The following PPP1R12B variants were observed in gnomAD, a reference collection of about 807,000 sequenced individuals.
PPP1R12B encodes the protein protein phosphatase 1 regulatory subunit 12B, also known as myosin phosphatase target subunit 2.
A neutral mutation model predicts 126.1 loss-of-function variants in PPP1R12B; 76 were observed. The ratio of observed to expected loss-of-function variants is 0.60; its 90% CI spans 0.50 to 0.73. The LOEUF (loss-of-function observed/expected upper bound fraction) is 0.73, where lower values mean the gene tolerates loss of function less well. Ranked by LOEUF, PPP1R12B falls within the 30% of genes least tolerant of loss-of-function variation. The probability of loss-of-function intolerance (pLI) is 0.00; values close to 1 mark genes in which losing one functional copy is unlikely to be tolerated. For missense variants in PPP1R12B, 1,052 were observed against 1,205.1 expected (o/e 0.87, Z 1.88); for synonymous variants, 356 against 434.7 (o/e 0.82, Z 2.25).
At chr1:202,449,469 G>A (rs1672664422) in intron 13 of PPP1R12B, among the ~76,000 whole-genome samples, 1 of 151,536 alleles carries the variant, frequency 6.6e-6, no homozygotes, top group South Asian at 2.1e-4. Context: ...GTAGAGACGG[G>A]GTTTCACCAT....
At chr1:202,573,856 C>CT (rs1484367629) in intron 23 of PPP1R12B, among the ~76,000 whole-genome samples, 1 of 152,142 alleles carries the variant, frequency 6.6e-6, no homozygotes, top group East Asian at 1.9e-4. Flanking sequence ...GTTTCTCCAG[C>CT]TTTTTTGCAC....
At chr1:202,570,274 C>T (rs1482105196) in intron 23 of PPP1R12B, among the ~76,000 whole-genome samples, 1 of 151,938 alleles carries the variant, frequency 6.6e-6, no homozygotes, top group East Asian at 1.9e-4. Context: ...ATTTATTGTT[C>T]CAGTGGCCTA....
At position 202,495,323 on chromosome 1, in the gene PPP1R12B, C is replaced by T. The variant is rs146630254; in HGVS notation, c.2176C>T (p.Gln726Ter). The change falls in exon 16 of 24, where the codon CAG becomes TAG. Residue 726 changes from glutamine to a stop codon, truncating the protein, a stop_gained. Coordinates refer to ENST00000608999, the MANE Select transcript of PPP1R12B (RefSeq NM_002481.4). LOFTEE classifies it high-confidence loss of function. ...PICHRLRCPA[Q>*]PDKPTTPASP... is the part of the protein sequence containing the mutation. Reference sequence around the variant, plus strand: ...CTGTCATCGCCTGAGGTGCCCAGCTCAGCCAGACAAACCCACCACGCCAGC... The same window carrying T: ...CTGTCATCGCCTGAGGTGCCCAGCTTAGCCAGACAAACCCACCACGCCAGC... 5 of 1,582,430 alleles carry T rather than the reference C, an allele frequency of 3.2e-6. No individual in the cohort carries two copies. The highest frequency in any genetic ancestry group is 4.3e-6 in the Non-Finnish European group (5 of 1,166,412).
chr1:202,365,882 C>T (rs984742529), intron 1 of PPP1R12B, among the ~76,000 whole-genome samples: 2 of 152,086 alleles, frequency 1.3e-5, no homozygotes, highest in African/African-American at 4.8e-5. Context: ...CCCAGCTACT[C>T]AGGAGGCTAA....
intron 1 of PPP1R12B, among the ~76,000 whole-genome samples, chr1:202,375,230 C>T (rs1179119883): frequency 6.6e-6 from 1 of 152,244 alleles, no homozygotes; most frequent in Non-Finnish European, 1.5e-5. Context: ...AGGCGTGAGC[C>T]ACTGCATCTG....
intron 1 of PPP1R12B, among the ~76,000 whole-genome samples, chr1:202,383,540 A>G (rs1342785105): frequency 6.6e-6 from 1 of 152,138 alleles, no homozygotes; most frequent in African/African-American, 2.4e-5. Flanking sequence ...CCTGGCCAAC[A>G]TGGCTAAACT....
chr1:202,428,918 A>G lies in PPP1R12B; in HGVS notation c.910A>G (p.Lys304Glu), dbSNP rs1277070190. The G allele has an allele frequency of 9.3e-6, 15 of 1,607,300 alleles. No individual in the cohort carries two copies. The highest frequency in any genetic ancestry group is 1.3e-5 in the Non-Finnish European group (15 of 1,177,392). Residue 304 changes from lysine to glutamate, a missense_variant, in exon 6 of 24, where the codon AAG becomes GAG. Lys to Glu is a moderately conservative substitution (Grantham distance 56). Transcript: ENST00000608999. ...LVEHLELLQKKQNVLRSEKET... is the reference protein window; with the variant it reads ...LVEHLELLQKEQNVLRSEKET... Reference sequence around the variant, plus strand: ...GGAGCATTTGGAGTTGCTCCAGAAGAAGCAGAATGTGGTGAGTTTCTGATT... The same window carrying G: ...GGAGCATTTGGAGTTGCTCCAGAAGGAGCAGAATGTGGTGAGTTTCTGATT...
chr1:202,488,220 G>A (rs1337528395), intron 13 of PPP1R12B, among the ~76,000 whole-genome samples: 2 of 152,146 alleles, frequency 1.3e-5, no homozygotes, highest in South Asian at 2.1e-4. Context: ...ATTTCACCAC[G>A]CTATTCAGAA....
chr1:202,459,502 G>A (rs1674045791), intron 13 of PPP1R12B, among the ~76,000 whole-genome samples: 1 of 152,140 alleles, frequency 6.6e-6, no homozygotes, highest in Non-Finnish European at 1.5e-5. Context: ...TTTTTGAGAA[G>A]GGCATAATCT....
intron 13 of PPP1R12B, among the ~76,000 whole-genome samples, chr1:202,471,633 C>T (rs891748940): frequency 1.5e-5 from 2 of 135,980 alleles, no homozygotes; most frequent in South Asian, 2.3e-4. Context: ...AAGATGAAAT[C>T]ATTTCTCATT....
intron 1 of PPP1R12B, among the ~76,000 whole-genome samples, chr1:202,350,232 A>AT (rs1446457159): frequency 6.6e-6 from 1 of 152,116 alleles, no homozygotes; most frequent in African/African-American, 2.4e-5. Context: ...CTTTCACCCT[A>AT]TTTTGTACCC....
At chr1:202,428,229 A>C (rs1414707090) in intron 5 of PPP1R12B, among the ~76,000 whole-genome samples, 1 of 152,166 alleles carries the variant, frequency 6.6e-6, no homozygotes, top group Non-Finnish European at 1.5e-5. Context: ...AGTAATCCCA[A>C]ATTGTTGGGA....
At chr1:202,475,679 A>G (rs934112586) in intron 13 of PPP1R12B, among the ~76,000 whole-genome samples, 2 of 152,154 alleles carry the variant, frequency 1.3e-5, no homozygotes, top group African/African-American at 4.8e-5. Flanking sequence ...ACTCATCCGT[A>G]AAATAGGAAT....
At chr1:202,382,942 A>G (rs1662576409) in intron 1 of PPP1R12B, among the ~76,000 whole-genome samples, 1 of 151,968 alleles carries the variant, frequency 6.6e-6, no homozygotes, top group African/African-American at 2.4e-5. Flanking sequence ...TAATATTATT[A>G]TTTAATAGTG....
At chr1:202,436,443 G>GA (rs1670828844) in intron 9 of PPP1R12B, among the ~76,000 whole-genome samples, 1 of 152,178 alleles carries the variant, frequency 6.6e-6, no homozygotes, top group African/African-American at 2.4e-5. Context: ...GATGAAAAGA[G>GA]AAAATCTATA....
intron 23 of PPP1R12B, among the ~76,000 whole-genome samples, chr1:202,570,644 CAGA>C (rs1688503763): frequency 6.6e-6 from 1 of 152,176 alleles, no homozygotes; most frequent in Admixed American, 6.5e-5. Context: ...TACTACCACA[CAGA>C]AGTATTCTCT....
At chr1:202,406,038 C>T (rs1211058432) in intron 1 of PPP1R12B, among the ~76,000 whole-genome samples, 1 of 152,214 alleles carries the variant, frequency 6.6e-6, no homozygotes, top group Admixed American at 6.5e-5. Flanking sequence ...CAACTCAGAT[C>T]CCAGGATTGT....
Position 202,411,087 on chromosome 1 carries a change from C to T in PPP1R12B, c.292-5700C>T, listed in dbSNP as rs944338476. ...CCCTGGAAACAGTTTTATAAGTGGGCGAATCTGCTCATCTACCATGCTTCA... is the reference window on the plus strand; with the variant it reads ...CCCTGGAAACAGTTTTATAAGTGGGTGAATCTGCTCATCTACCATGCTTCA... On this transcript the variant is annotated intron_variant, in intron 1 of 23. Coordinates refer to ENST00000608999, the MANE Select transcript of PPP1R12B (RefSeq NM_002481.4). 2.6e-5 allele frequency among the ~76,000 whole-genome samples: 4 copies of T among 152,110 alleles called. No homozygotes were observed. The East Asian group carries it at 5.8e-4, about 22-fold the overall frequency.
At chr1:202,463,127 G>A in intron 13 of PPP1R12B, 1 of 920,462 alleles carries the variant, frequency 1.1e-6, no homozygotes, top group Non-Finnish European at 1.3e-6. Context: ...TAGCTTTAAT[G>A]TCCTAGATGC....
Sources: allele counts gnomAD v4.1 joint callset (sites outside exome capture counted in the v4.1 genomes callset), GRCh38; gene constraint gnomAD v4.1.1; transcripts MANE v1.5; gene names NCBI Gene and HGNC (gene_info 2026-07-23, HGNC 2026-07-21).